The following CDYL variants were observed in gnomAD, a reference collection of about 807,000 sequenced individuals.
CDYL encodes the protein chromodomain Y like, also known as chromodomain Y-like protein.
Under a neutral mutation model 47.3 loss-of-function variants are expected in CDYL, and 8 were observed. The observed-to-expected ratio is 0.17, with a 90% CI of 0.10 to 0.31. The LOEUF is 0.31. CDYL is among the 10% of genes least tolerant of loss of function. The pLI, the probability that CDYL is intolerant of heterozygous loss-of-function variation, is 1.00. For missense variants in CDYL, 471 were observed against 701.4 expected (o/e 0.67, Z 3.71); for synonymous variants, 266 against 265.0 (o/e 1.00, Z -0.04).
chr6:4,755,853 G>A (rs996439361), intron 3 of CDYL, among the ~76,000 whole-genome samples: 7 of 151,874 alleles, frequency 4.6e-5, no homozygotes, highest in Non-Finnish European at 8.8e-5. Flanking sequence ...CATGTTAAGT[G>A]GTCTCCCAAA....
intron 2 of CDYL, among the ~76,000 whole-genome samples, chr6:4,894,287 C>G (rs555601438): frequency 1.6e-3 from 239 of 152,270 alleles, no homozygotes; most frequent in African/African-American, 5.5e-3. Context: ...GCCTCCTGGA[C>G]AGATAAGCAC....
intron 1 of CDYL, among the ~76,000 whole-genome samples, chr6:4,872,214 A>C (rs1269573248): frequency 6.6e-6 from 1 of 152,062 alleles, no homozygotes; most frequent in Non-Finnish European, 1.5e-5. Flanking sequence ...GTGAGTGATC[A>C]TCAGACTGCA....
At chr6:4,855,819 C>T (rs1278446138) in intron 1 of CDYL, among the ~76,000 whole-genome samples, 6 of 152,186 alleles carry the variant, frequency 3.9e-5, no homozygotes, top group South Asian at 2.1e-4. Flanking sequence ...GGGGTCTCCA[C>T]CTGCAGTTAG....
At chr6:4,733,878 G>A (rs1462508436) in intron 2 of CDYL, among the ~76,000 whole-genome samples, 1 of 131,936 alleles carries the variant, frequency 7.6e-6, no homozygotes, top group African/African-American at 2.9e-5. Context: ...TTGAGACAGA[G>A]TCTCACTCTG....
At chr6:4,947,073 A>G (rs899047269) in intron 5 of CDYL, among the ~76,000 whole-genome samples, 6 of 152,184 alleles carry the variant, frequency 3.9e-5, no homozygotes, top group African/African-American at 1.4e-4. Flanking sequence ...CGCCCTGAGA[A>G]TCCAGGCCCT....
chr6:4,839,896 A>T (rs189955236), intron 1 of CDYL, among the ~76,000 whole-genome samples: 22 of 152,138 alleles, frequency 1.4e-4, no homozygotes, highest in Admixed American at 1.3e-3. Context: ...TGCTTTGGTT[A>T]TGTGGGCAGT....
intron 1 of CDYL, among the ~76,000 whole-genome samples, chr6:4,850,462 T>C (rs1760790123): frequency 6.6e-6 from 1 of 151,928 alleles, no homozygotes; most frequent in African/African-American, 2.4e-5. Context: ...CTCACAGTGG[T>C]TTTATTTTCC....
chr6:4,868,865 T>G (rs914645134), intron 1 of CDYL, among the ~76,000 whole-genome samples: 1 of 152,254 alleles, frequency 6.6e-6, no homozygotes, highest in Non-Finnish European at 1.5e-5. Context: ...CTGAAATACT[T>G]GAAATACTGA....
intron 2 of CDYL, among the ~76,000 whole-genome samples, chr6:4,726,472 C>T (rs1757514836): frequency 6.8e-6 from 1 of 146,314 alleles, no homozygotes; most frequent in Admixed American, 7.1e-5. Context: ...GCAGACGTTG[C>T]AGTAAGCCAA....
chr6:4,952,441 T>A, intron 6 of CDYL, 32 bp downstream of exon 6: 1 of 1,577,416 alleles, frequency 6.3e-7, no homozygotes, highest in Non-Finnish European at 8.6e-7. Context: ...ACACGTTACT[T>A]TTTAAAAAAT....
At chr6:4,875,230 T>C (rs151061727) in intron 1 of CDYL, among the ~76,000 whole-genome samples, 1 of 152,268 alleles carries the variant, frequency 6.6e-6, no homozygotes, top group East Asian at 1.9e-4. Flanking sequence ...AAGACTTGAA[T>C]TTCGGTATGG....
chr6:4,944,032 C>T (rs1325986517), intron 5 of CDYL, among the ~76,000 whole-genome samples: 1 of 152,158 alleles, frequency 6.6e-6, no homozygotes, highest in Non-Finnish European at 1.5e-5. Context: ...CAACAATTTG[C>T]AATTGAAAAG....
chr6:4,825,825 A>G (rs2127450983), intron 1 of CDYL, among the ~76,000 whole-genome samples: 1 of 149,614 alleles, frequency 6.7e-6, no homozygotes, highest in Admixed American at 6.7e-5. Flanking sequence ...TTTCATGGTC[A>G]TTTATACATA....
rs568687421 is a variant in CDYL at position 4,894,009 on chromosome 6, G to A, written c.691+1630G>A. Among the ~76,000 whole-genome samples the A allele has an allele frequency of 7.9e-5, 12 of 152,244 alleles. No homozygotes were observed. The South Asian group carries it at 1.7e-3, about 21-fold the overall frequency. On this transcript the variant is annotated intron_variant, in intron 2 of 6. Transcript: ENST00000397588. ...ACTTGACCCAAACGGTGCCTTTTCC[G>A]GCTTCATTGGAGCTTGTGAACTTGT...
At chr6:4,792,689 G>A (rs1485126123) in intron 1 of CDYL, among the ~76,000 whole-genome samples, 1 of 152,062 alleles carries the variant, frequency 6.6e-6, no homozygotes, top group Admixed American at 6.5e-5. Flanking sequence ...GCCCACCTTG[G>A]CCTCCCAAAG....
At chr6:4,755,555 T>TAGAA (rs567757029) in intron 3 of CDYL, among the ~76,000 whole-genome samples, 1,758 of 152,312 alleles carry the variant, frequency 0.012, 37 homozygotes, top group African/African-American at 0.04. Flanking sequence ...GATTACCCAC[T>TAGAA]GGATACTTCT....
At chr6:4,819,162 C>CTCTCTCTCTCTCTCTCTCTGTGTGTG (rs1016051589) in intron 1 of CDYL, among the ~76,000 whole-genome samples, 2 of 111,944 alleles carry the variant, frequency 1.8e-5, no homozygotes, top group African/African-American at 9.7e-5. Context: ...CTCTCTCTCT[C>CTCTCTCTCTCTCTCTCTCTGTGTGTG]TGTGTGTGTG....
rs756536468 is a variant in CDYL, at chr6:4,715,810, G to A, written c.32G>A (p.Trp11Ter). Residue 11 changes from tryptophan (W) to a stop codon, truncating the protein, a stop_gained, in exon 2 of 9, where the codon TGG becomes TAG. Transcript: ENST00000328908. LOFTEE classifies it high-confidence loss of function. ...TTTCAGGCAAGCCACAGGTCAGCCT[G>A]GGGAAAAAGCAGGAAGAAAAACTGG... The A allele has an allele frequency of 6.8e-6, 11 of 1,614,136 alleles. No individual in the cohort carries two copies. The highest frequency in any genetic ancestry group is 4.4e-5 in the South Asian group (4 of 91,082).
At chr6:4,834,675 A>G (rs1016650788) in intron 1 of CDYL, among the ~76,000 whole-genome samples, 2 of 152,156 alleles carry the variant, frequency 1.3e-5, no homozygotes, top group Non-Finnish European at 2.9e-5. Context: ...GTGTTTTCCA[A>G]CTTGATTCCA....
Sources: gnomAD v4.1 joint callset for allele counts (sites outside exome capture counted in the v4.1 genomes callset) on GRCh38, gnomAD v4.1.1 for gene constraint, MANE v1.5 for transcripts, NCBI Gene and HGNC (gene_info 2026-07-23, HGNC 2026-07-21) for gene names.